METTL6: variants seen among roughly 807,000 people sequenced by gnomAD.
METTL6 encodes the protein methyltransferase 6, tRNA N3-cytidine, also known as tRNA N(3)-cytidine methyltransferase METTL6.
METTL6 carries 22 observed loss-of-function variants against 26.4 expected under a neutral mutation model. The observed-to-expected ratio is 0.83, with a 90% CI of 0.59 to 1.19. METTL6 has a LOEUF of 1.19. Ranked by LOEUF, METTL6 falls within the 50% of genes most tolerant of loss-of-function variation. The pLI is 0.00. For synonymous variants in METTL6, 109 were observed against 116.2 expected (o/e 0.94, Z 0.40); for missense variants, 304 against 324.8 (o/e 0.94, Z 0.49).
intron 4 of METTL6, among the ~76,000 whole-genome samples, chr3:15,415,206 TA>T (rs1439690932): frequency 6.6e-6 from 1 of 152,236 alleles, no homozygotes; most frequent in Non-Finnish European, 1.5e-5. Context: ...TTTGACTGCT[TA>T]ACCATACATT....
downstream of METTL6, among the ~76,000 whole-genome samples, chr3:15,406,565 T>C (rs186502295): frequency 9.7e-4 from 108 of 111,218 alleles, 2 homozygotes; most frequent in East Asian, 0.024. Flanking sequence ...GACCCAGCCA[T>C]GAAAAAAAAA....
chr3:15,412,686 T>A (rs999415849), intron 5 of METTL6, among the ~76,000 whole-genome samples: 1 of 151,760 alleles, frequency 6.6e-6, no homozygotes, highest in African/African-American at 2.4e-5. Context: ...GAGACAAAGT[T>A]TCACGGTTGC....
downstream of METTL6, among the ~76,000 whole-genome samples, chr3:15,406,633 G>T (rs867016270): frequency 1.0e-4 from 11 of 108,778 alleles, no homozygotes; most frequent in South Asian, 3.5e-4. Context: ...TATATATAGA[G>T]AGAGAGAGAG....
chr3:15,396,104 C>A (rs1349666779), intron 6 of METTL6, among the ~76,000 whole-genome samples: 1 of 152,196 alleles, frequency 6.6e-6, no homozygotes, highest in Non-Finnish European at 1.5e-5. Context: ...CAACTTGGTT[C>A]CATTCTCCCC....
At chr3:15,402,965 C>T (rs1014812874) in intron 6 of METTL6, among the ~76,000 whole-genome samples, 1 of 152,158 alleles carries the variant, frequency 6.6e-6, no homozygotes, top group South Asian at 2.1e-4. Flanking sequence ...AAACTATAAA[C>T]TAAATTCCTC....
At chr3:15,387,775 GA>G (rs1302463518) in intron 6 of METTL6, among the ~76,000 whole-genome samples, 2 of 151,980 alleles carry the variant, frequency 1.3e-5, no homozygotes, top group African/African-American at 2.4e-5. Context: ...ATGGATCAGG[GA>G]ACAGAGATTA....
At chr3:15,398,070 C>T (rs1003860069) in intron 6 of METTL6, among the ~76,000 whole-genome samples, 3 of 152,212 alleles carry the variant, frequency 2.0e-5, no homozygotes, top group East Asian at 1.9e-4. Context: ...CCCACCCTTT[C>T]CCCCAAACTA....
chr3:15,383,921 T>C (rs1159587748), exon 7 of METTL6: 1 of 219,420 alleles, frequency 4.6e-6, no homozygotes, highest in African/African-American at 2.4e-5. Flanking sequence ...TACAGGAGAA[T>C]TGGTTGGAAG....
chr3:15,381,934 TA>T (rs1699089752), exon 7 of METTL6: 1 of 152,146 alleles, frequency 6.6e-6, no homozygotes, highest in Non-Finnish European at 1.5e-5. Context: ...CCTTGATCCA[TA>T]ATATGGGATA....
At chr3:15,412,301 A>T (rs1002831789) in intron 5 of METTL6, among the ~76,000 whole-genome samples, 1 of 152,180 alleles carries the variant, frequency 6.6e-6, no homozygotes, top group Admixed American at 6.5e-5. Flanking sequence ...AATGAAACAA[A>T]CAGAATAAAT....
chr3:15,393,212 G>A lies in METTL6; in HGVS notation c.*12-9025C>T, dbSNP rs984099609. ...AGTTCTCCTTGAAGAGGTCCTTCAC[G>A]TCCCTTGTAAGTTGGATTCCTAGGT... On this transcript the variant is annotated intron_variant, in intron 6 of 6. Coordinates refer to the METTL6 transcript ENST00000443029. Among the ~76,000 whole-genome samples, 128 of 152,026 alleles carry A rather than the reference G, an allele frequency of 8.4e-4. 2 individuals are homozygous for A. Among genetic ancestry groups the A allele is most frequent in the Non-Finnish European group, 3.1e-4 (21 of 67,986 alleles).
intron 6 of METTL6, among the ~76,000 whole-genome samples, chr3:15,393,851 T>G (rs1195645966): frequency 6.6e-6 from 1 of 152,242 alleles, no homozygotes; most frequent in African/African-American, 2.4e-5. Flanking sequence ...TGAAGCCCAC[T>G]TGATCATGGT....
intron 3 of METTL6, 133 bp from the exon 4 acceptor site, chr3:15,416,075 G>T: frequency 1.4e-6 from 1 of 734,880 alleles, no homozygotes; most frequent in Non-Finnish European, 2.2e-6. Flanking sequence ...AGATAAAACT[G>T]ATTAATAAAT....
At chr3:15,411,914 T>G (rs1476130957) in intron 5 of METTL6, among the ~76,000 whole-genome samples, 1 of 151,964 alleles carries the variant, frequency 6.6e-6, no homozygotes, top group East Asian at 1.9e-4. Flanking sequence ...AGGCACACAC[T>G]ACCATGCCTG....
At chr3:15,407,642 A>T (rs530324327), downstream of METTL6, among the ~76,000 whole-genome samples, 8 of 152,286 alleles carry the variant, frequency 5.3e-5, no homozygotes, top group Admixed American at 5.2e-4. Context: ...TATTGATGGA[A>T]AACTGACCGA....
exon 7 of METTL6, chr3:15,384,019 G>A (rs976433595): frequency 3.0e-6 from 1 of 332,330 alleles, no homozygotes; most frequent in East Asian, 1.2e-4. Flanking sequence ...AAGACTGTAA[G>A]TTGAAAACAA....
At chr3:15,415,558 C>T (rs376586339) in intron 4 of METTL6, 80 of 1,600,564 alleles carry the variant, frequency 5.0e-5, no homozygotes, top group Middle Eastern at 1.6e-4. Context: ...CCAGGGCTGG[C>T]GAAGCTCTGA....
chr3:15,426,660 C>G (rs2061732116), intron 1 of METTL6, 25 bp from the exon 2 acceptor site: 10 of 695,062 alleles, frequency 1.4e-5, no homozygotes, highest in Non-Finnish European at 1.9e-5. Flanking sequence ...GAATTAGATT[C>G]TGGTTAGTGG....
At chr3:15,421,558 T>C (rs2061611361) in intron 3 of METTL6, among the ~76,000 whole-genome samples, 1 of 152,112 alleles carries the variant, frequency 6.6e-6, no homozygotes, top group South Asian at 2.1e-4. Context: ...AACTCCGGGC[T>C]CAAGTGATTT....
Sources: gnomAD v4.1 joint callset for allele counts (sites outside exome capture counted in the v4.1 genomes callset) on GRCh38, gnomAD v4.1.1 for gene constraint, MANE v1.5 for transcripts, NCBI Gene and HGNC (gene_info 2026-07-23, HGNC 2026-07-21) for gene names.